The following THSD4 variants were observed in gnomAD, a reference collection of about 807,000 sequenced individuals.
THSD4 encodes the protein thrombospondin type 1 domain containing 4.
Under a neutral mutation model 119.0 loss-of-function variants are expected in THSD4, and 69 were observed. That is an observed-to-expected ratio of 0.58 (90% CI 0.48 to 0.71). The LOEUF (loss-of-function observed/expected upper bound fraction) is 0.71. THSD4 is among the 30% of genes least tolerant of loss of function. The pLI is 0.00. For missense variants in THSD4, 1,393 were observed against 1,391.1 expected (o/e 1.00, Z -0.02); for synonymous variants, 524 against 540.4 (o/e 0.97, Z 0.42).
chr15:71,669,433 A>C (rs939806370), intron 8 of THSD4, among the ~76,000 whole-genome samples: 1 of 152,016 alleles, frequency 6.6e-6, no homozygotes, highest in Admixed American at 6.6e-5. Flanking sequence ...TTTTTATTAT[A>C]CTTTAAGTCC....
At chr15:71,375,903 A>G (rs973060703) in intron 6 of THSD4, among the ~76,000 whole-genome samples, 2 of 152,190 alleles carry the variant, frequency 1.3e-5, no homozygotes, top group Admixed American at 6.5e-5. Context: ...ATTATGGTGA[A>G]CTTCAAAGTT....
intron 6 of THSD4, among the ~76,000 whole-genome samples, chr15:71,337,499 A>G (rs2140382685): frequency 6.6e-6 from 1 of 152,348 alleles, no homozygotes; most frequent in South Asian, 2.1e-4. Flanking sequence ...GCTAGTTAAC[A>G]TGTGAAAAGT....
chr15:71,115,427 G>T (rs1289728168), upstream of THSD4: 1 of 152,210 alleles, frequency 6.6e-6, no homozygotes, highest in African/African-American at 2.4e-5. This position sits in a 1 kb window ranked among gnomAD's most constrained non-coding sequence, Gnocchi z 4.4. Context: ...CCGCAAGAGG[G>T]GAGGGAGGAA....
intron 7 of THSD4, among the ~76,000 whole-genome samples, chr15:71,529,377 C>T (rs989786390): frequency 6.6e-6 from 1 of 152,224 alleles, no homozygotes; most frequent in African/African-American, 2.4e-5. Context: ...CACTGACATT[C>T]TTCTGAACAT....
At chr15:71,199,253 C>T (rs113069863) in intron 3 of THSD4, among the ~76,000 whole-genome samples, 5 of 152,162 alleles carry the variant, frequency 3.3e-5, no homozygotes, top group East Asian at 1.9e-4. Flanking sequence ...TTTCAGTTTC[C>T]GTCCCCTTCC....
chr15:71,264,487 C>T (rs2044441475), intron 6 of THSD4, among the ~76,000 whole-genome samples: 1 of 152,166 alleles, frequency 6.6e-6, no homozygotes, highest in African/African-American at 2.4e-5. Flanking sequence ...CAGAGGGCAA[C>T]CTCTTTGTGA....
intron 1 of THSD4, among the ~76,000 whole-genome samples, chr15:71,130,254 C>T (rs539622604): frequency 2.9e-4 from 44 of 152,262 alleles, no homozygotes; most frequent in African/African-American, 9.4e-4. Flanking sequence ...GGCATAGTCT[C>T]GGTTCATTGC....
intron 4 of THSD4, among the ~76,000 whole-genome samples, chr15:71,236,247 A>G (rs2044104915): frequency 6.6e-6 from 1 of 151,976 alleles, no homozygotes; most frequent in Non-Finnish European, 1.5e-5. Flanking sequence ...CACTCTGCCC[A>G]CTCCCCTCTG....
chr15:71,448,420 A>G (rs1328957489), intron 7 of THSD4, among the ~76,000 whole-genome samples: 1 of 152,226 alleles, frequency 6.6e-6, no homozygotes, highest in African/African-American at 2.4e-5. Context: ...ATCTTGAGGT[A>G]ATAGATATTA....
At chr15:71,237,506 G>A (rs939572788) in intron 4 of THSD4, among the ~76,000 whole-genome samples, 3 of 152,166 alleles carry the variant, frequency 2.0e-5, no homozygotes, top group Admixed American at 6.5e-5. Context: ...GAAGTGACAC[G>A]TGGAGCTATC....
intron 6 of THSD4, among the ~76,000 whole-genome samples, chr15:71,303,185 C>T (rs1466700619): frequency 1.3e-5 from 2 of 152,022 alleles, no homozygotes; most frequent in Non-Finnish European, 2.9e-5. Flanking sequence ...GTGATTCTGG[C>T]AGCCAGCACA....
chr15:71,235,309 T>C (rs1262572009), intron 4 of THSD4, among the ~76,000 whole-genome samples: 2 of 152,208 alleles, frequency 1.3e-5, no homozygotes, highest in African/African-American at 4.8e-5. Flanking sequence ...TTAGCCTTGA[T>C]ATATAGTAAC....
chr15:71,716,275 C>T (rs1192575618), intron 8 of THSD4, among the ~76,000 whole-genome samples: 1 of 152,162 alleles, frequency 6.6e-6, no homozygotes, highest in African/African-American at 2.4e-5. Context: ...AGGGCCCACC[C>T]TAATGCAGCA....
At chr15:71,166,250 C>T (rs1005564539) in intron 3 of THSD4, among the ~76,000 whole-genome samples, 9 of 152,070 alleles carry the variant, frequency 5.9e-5, no homozygotes, top group Non-Finnish European at 1.2e-4. Flanking sequence ...GCTGTAGACT[C>T]CCTTATGAAT....
chr15:71,747,349 C>T (rs1439353841), intron 13 of THSD4, among the ~76,000 whole-genome samples: 1 of 152,184 alleles, frequency 6.6e-6, no homozygotes, highest in Non-Finnish European at 1.5e-5. Context: ...GAGCCAACTC[C>T]TTCCAATTTT....
At chr15:71,625,586 TCATTCC>T (rs1318850553) in intron 7 of THSD4, among the ~76,000 whole-genome samples, 1 of 152,246 alleles carries the variant, frequency 6.6e-6, no homozygotes, top group African/African-American at 2.4e-5. Context: ...TTGGTTACTG[TCATTCC>T]CATATCCATT....
chr15:71,633,269 CTTTTTTT>C (rs67682951), intron 7 of THSD4, among the ~76,000 whole-genome samples: 4 of 63,182 alleles, frequency 6.3e-5, no homozygotes, highest in Admixed American at 2.1e-4. Context: ...TTCTTTCTTT[CTTTTTTT>C]TTTTTTTTTT....
chr15:71,372,414 C>A (rs1162878815), intron 6 of THSD4, among the ~76,000 whole-genome samples: 6 of 152,314 alleles, frequency 3.9e-5, no homozygotes, highest in African/African-American at 1.4e-4. Context: ...GTGGTTTCAT[C>A]TACTTTTGGT....
intron 6 of THSD4, among the ~76,000 whole-genome samples, chr15:71,389,213 G>A (rs1456016105): frequency 1.3e-5 from 2 of 152,078 alleles, no homozygotes; most frequent in African/African-American, 4.8e-5. Context: ...TCACATTGTT[G>A]TGCAACAAAT....
Sources: allele counts gnomAD v4.1 joint callset (sites outside exome capture counted in the v4.1 genomes callset), GRCh38; gene constraint gnomAD v4.1.1; non-coding constraint Gnocchi (gnomAD v3.1); transcripts MANE v1.5; gene names NCBI Gene and HGNC (gene_info 2026-07-23, HGNC 2026-07-21).